Variants in ADAMTS14 observed in about 807,000 individuals in gnomAD.
ADAMTS14 encodes the protein ADAM metallopeptidase with thrombospondin type 1 motif 14.
In ADAMTS14, 100 loss-of-function variants were observed where a neutral mutation model predicts 128.6. The ratio of observed to expected loss-of-function variants is 0.78; its 90% CI spans 0.66 to 0.92. The LOEUF (loss-of-function observed/expected upper bound fraction) is 0.92. Among genes scored for constraint, ADAMTS14 ranks in the 40% least tolerant of loss-of-function variants. ADAMTS14 has a pLI of 0.00. For missense variants in ADAMTS14, 1,562 were observed against 1,658.6 expected (o/e 0.94, Z 1.01); for synonymous variants, 665 against 653.8 (o/e 1.02, Z -0.26).
intron 16 of ADAMTS14, among the ~76,000 whole-genome samples, chr10:70,750,222 C>T (rs1842310907): frequency 6.6e-6 from 1 of 152,196 alleles, no homozygotes; most frequent in African/African-American, 2.4e-5. Context: ...ATGTTACATG[C>T]AGGGAGCCTG....
intron 3 of ADAMTS14, among the ~76,000 whole-genome samples, chr10:70,703,823 T>C (rs562060833): frequency 3.3e-5 from 5 of 152,318 alleles, no homozygotes; most frequent in Admixed American, 2.0e-4. Context: ...TGGCTGCGAC[T>C]CTTGCCCCAC....
At chr10:70,720,257 A>G (rs888355438) in intron 4 of ADAMTS14, among the ~76,000 whole-genome samples, 3 of 152,218 alleles carry the variant, frequency 2.0e-5, no homozygotes, top group Non-Finnish European at 4.4e-5. Flanking sequence ...GGGCATGATC[A>G]TGAGCTTGGC....
At chr10:70,741,552 G>A (rs1842000361) in intron 12 of ADAMTS14, among the ~76,000 whole-genome samples, 1 of 152,210 alleles carries the variant, frequency 6.6e-6, no homozygotes, top group African/African-American at 2.4e-5. Context: ...ATAGGTGCAG[G>A]CGCCCTTCCC....
At chr10:70,732,428 TG>T in intron 7 of ADAMTS14, 69 bp downstream of exon 7, 2 of 1,401,924 alleles carry the variant, frequency 1.4e-6, no homozygotes, top group Non-Finnish European at 2.0e-6. Flanking sequence ...TCTGTGGCTG[TG>T]GGAGGATTTG....
Position 70,758,018 on chromosome 10 carries a change from C to G in ADAMTS14, c.2994C>G (p.Asn998Lys). Residue 998 changes from asparagine (N) to lysine (K), a missense_variant, in exon 20 of 22, where the codon AAC becomes AAG. Physicochemically the swap from Asn to Lys is moderately conservative, Grantham distance 94. Coordinates refer to ENST00000373207, the MANE Select transcript of ADAMTS14 (RefSeq NM_080722.4). Reference sequence around the variant, plus strand: ...AGCGGCAGGTGGTGTGCAGGACCAACGCCAACAGCCTCGGGCATTGCGAGG... The same window carrying G: ...AGCGGCAGGTGGTGTGCAGGACCAAGGCCAACAGCCTCGGGCATTGCGAGG... ...IQQRQVVCRT[N>K]ANSLGHCEGD... 6.2e-7 allele frequency: 1 copy of G among 1,613,566 alleles called. No homozygotes were observed. Among genetic ancestry groups the G allele is most frequent in the African/African-American group, 1.3e-5 (1 of 75,056 alleles).
chr10:70,709,375 G>T (rs1300691305), intron 4 of ADAMTS14, among the ~76,000 whole-genome samples: 1 of 151,962 alleles, frequency 6.6e-6, no homozygotes. Context: ...CAGAGATACA[G>T]GACTCTCGTC....
intron 14 of ADAMTS14, 119 bp downstream of exon 14, chr10:70,744,308 G>A: frequency 1.5e-6 from 2 of 1,322,360 alleles, no homozygotes; most frequent in South Asian, 1.9e-5. Flanking sequence ...GGGCCCTGGG[G>A]CCCATCTCCA....
At chr10:70,713,663 G>A (rs1244090308) in intron 4 of ADAMTS14, among the ~76,000 whole-genome samples, 3 of 152,236 alleles carry the variant, frequency 2.0e-5, no homozygotes, top group Non-Finnish European at 4.4e-5. Flanking sequence ...GCTAGGGTGG[G>A]ACATGAGGCT....
intron 4 of ADAMTS14, among the ~76,000 whole-genome samples, chr10:70,725,221 T>C (rs946755920): frequency 6.6e-6 from 1 of 152,142 alleles, no homozygotes; most frequent in African/African-American, 2.4e-5. Context: ...GGAGCAGACA[T>C]GCTCAGTGAA....
intron 3 of ADAMTS14, among the ~76,000 whole-genome samples, chr10:70,705,746 C>T (rs1392838583): frequency 6.6e-6 from 1 of 152,238 alleles, no homozygotes; most frequent in East Asian, 1.9e-4. Context: ...TTTCAAGGCT[C>T]ATCCATGGGA....
intron 21 of ADAMTS14, among the ~76,000 whole-genome samples, chr10:70,759,044 G>A (rs10823613): frequency 6.6e-6 from 1 of 151,060 alleles, no homozygotes; most frequent in South Asian, 2.1e-4. Flanking sequence ...CTGCAAATTC[G>A]TTAACCTCTC....
intron 2 of ADAMTS14, among the ~76,000 whole-genome samples, chr10:70,695,968 G>A (rs1399920113): frequency 6.6e-6 from 1 of 152,244 alleles, no homozygotes; most frequent in Non-Finnish European, 1.5e-5. Flanking sequence ...TTTCCAGGAA[G>A]TGGTGGCTCT....
At chr10:70,708,822 G>T in intron 4 of ADAMTS14, 44 bp downstream of exon 4, 2 of 1,308,180 alleles carry the variant, frequency 1.5e-6, no homozygotes, top group South Asian at 1.6e-5. Context: ...GTGGGGTGGG[G>T]TGGGCCCCAC....
chr10:70,744,909 GAGTC>G (rs1842129302), intron 14 of ADAMTS14, among the ~76,000 whole-genome samples: 1 of 152,076 alleles, frequency 6.6e-6, no homozygotes, highest in Non-Finnish European at 1.5e-5. Context: ...CAGGGAGAGA[GAGTC>G]AGAGGAGCAA....
Position 70,735,674 on chromosome 10 carries a change from C to G in ADAMTS14, c.1485+373C>G, listed in dbSNP as rs893517567. 2.6e-5 allele frequency among the ~76,000 whole-genome samples: 4 copies of G among 152,340 alleles called. No homozygotes were observed. The South Asian group carries it at 8.3e-4, about 32-fold the overall frequency. On this transcript the variant is annotated intron_variant, in intron 9 of 21. Transcript: ENST00000373207. ...ATGTGCCAAGTCTTTCAGTCTAACTCCCCACCTTCTGCACCTGCACATCAC... is the reference window on the plus strand; with the variant it reads ...ATGTGCCAAGTCTTTCAGTCTAACTGCCCACCTTCTGCACCTGCACATCAC...
intron 4 of ADAMTS14, among the ~76,000 whole-genome samples, chr10:70,714,812 G>A (rs1211292056): frequency 1.3e-5 from 2 of 151,732 alleles, no homozygotes; most frequent in African/African-American, 4.8e-5. Context: ...GCTGGGTGTG[G>A]TGGTGCGCCT....
chr10:70,738,590 G>A (rs1352127821), intron 10 of ADAMTS14, among the ~76,000 whole-genome samples: 1 of 152,200 alleles, frequency 6.6e-6, no homozygotes, highest in African/African-American at 2.4e-5. Flanking sequence ...CATAAGATCT[G>A]CCATTTCTGG....
intron 2 of ADAMTS14, among the ~76,000 whole-genome samples, chr10:70,700,728 C>T (rs183830764): frequency 1.2e-4 from 19 of 152,338 alleles, no homozygotes; most frequent in Admixed American, 1.2e-3. Context: ...CCACAGATGG[C>T]ACCTCCTTTG....
rs1421347869 is a variant in ADAMTS14 at position 70,688,421 on chromosome 10, C to T, written c.522+13426C>T. ...GCAGAGGGGCTCCTCACATCCCAGA[C>T]GATGGGCGGCCAGGCAGAGACACTC... On this transcript the variant is annotated intron_variant, in intron 2 of 21. Coordinates refer to ENST00000373207, the MANE Select transcript of ADAMTS14 (RefSeq NM_080722.4). Among the ~76,000 whole-genome samples, 495 of 74,082 alleles carry T rather than the reference C, an allele frequency of 6.7e-3. 3 individuals are homozygous for T. The highest frequency in any genetic ancestry group is 0.021 in the African/African-American group (463 of 22,354). 48.6% of individuals were successfully genotyped at this position (74,082 alleles called of 152,430 possible).
Sources: allele counts gnomAD v4.1 joint callset (sites outside exome capture counted in the v4.1 genomes callset), GRCh38; gene constraint gnomAD v4.1.1; transcripts MANE v1.5; gene names NCBI Gene and HGNC (gene_info 2026-07-23, HGNC 2026-07-21).